Variants in ACTA2 observed in about 807,000 individuals in gnomAD.
ACTA2 encodes actin, aortic smooth muscle.
ACTA2 carries 12 observed loss-of-function variants against 39.5 expected under a neutral mutation model. That is an observed-to-expected ratio of 0.30 (90% CI 0.19 to 0.49). The LOEUF (loss-of-function observed/expected upper bound fraction) is 0.49, where lower values mean the gene tolerates loss of function less well. ACTA2 is among the 20% of genes least tolerant of loss of function. ACTA2 has a pLI of 0.99. For synonymous variants in ACTA2, 158 were observed against 180.6 expected (o/e 0.88, Z 1.00); for missense variants, 236 against 498.8 (o/e 0.47, Z 5.02).
At chr10:88,949,196 C>T (rs1458864138) in intron 1 of ACTA2, among the ~76,000 whole-genome samples, 1 of 152,082 alleles carries the variant, frequency 6.6e-6, no homozygotes, top group Non-Finnish European at 1.5e-5. Flanking sequence ...AGTGTAGTGA[C>T]CGGCATATCA....
chr10:88,983,726 G>A (rs1846785110), intron 1 of ACTA2, among the ~76,000 whole-genome samples: 1 of 147,736 alleles, frequency 6.8e-6, no homozygotes, highest in African/African-American at 2.5e-5. Context: ...ATTTTTAAAT[G>A]TCTGTCCCTT....
At position 88,990,859 on chromosome 10, in the gene ACTA2, G is replaced by A; in HGVS notation, c.-24+80C>T. The stretch of plus-strand genomic sequence containing the variant: ...GAGTTGGGGAAGCTCTTTCACTTCG[G>A]AGGATTGCTCAACAACCATGCTGGG... On this transcript the variant is annotated intron_variant, in intron 1 of 4. Transcript: ENST00000415557. This position sits in a 1 kb window ranked among gnomAD's most constrained non-coding sequence, Gnocchi z 4.9. 1 of 1,614,228 alleles carries A rather than the reference G, an allele frequency of 6.2e-7. No homozygotes were observed. Among genetic ancestry groups the A allele is most frequent in the Non-Finnish European group, 8.5e-7 (1 of 1,180,034 alleles).
At chr10:88,987,071 C>CTTT (rs1846918383) in intron 1 of ACTA2, among the ~76,000 whole-genome samples, 1 of 152,178 alleles carries the variant, frequency 6.6e-6, no homozygotes, top group Admixed American at 6.5e-5. Flanking sequence ...TCCCAAGAAC[C>CTTT]CATACATATT....
At chr10:88,975,839 C>T (rs190081563) in intron 1 of ACTA2, among the ~76,000 whole-genome samples, 9 of 152,220 alleles carry the variant, frequency 5.9e-5, no homozygotes, top group Admixed American at 4.6e-4. Flanking sequence ...TGCTTAGATT[C>T]GGGGAGTTTT....
rs142105289 is a variant in ACTA2, at chr10:88,943,301, A to G, written c.369+496T>C. On this transcript the variant is annotated intron_variant, in intron 4 of 8. Transcript: ENST00000224784. The stretch of plus-strand genomic sequence containing the variant: ...GGATGTTTATTAGGAACCATGATAC[A>G]CATCTGTCATTTCACCTCATTAATG... Among the ~76,000 whole-genome samples, 831 of 152,306 alleles carry G rather than the reference A, an allele frequency of 5.5e-3. 3 individuals are homozygous for G. The highest frequency in any genetic ancestry group is 0.02 in the Middle Eastern group (6 of 294).
At chr10:88,951,765 G>T (rs1846054376) in intron 1 of ACTA2, among the ~76,000 whole-genome samples, 1 of 152,202 alleles carries the variant, frequency 6.6e-6, no homozygotes, top group Non-Finnish European at 1.5e-5. Context: ...AAAATGAGTT[G>T]ATGGGAGGGG....
At chr10:88,949,042 G>T in intron 1 of ACTA2, 89 bp from the exon 2 acceptor site, 1 of 1,337,394 alleles carries the variant, frequency 7.5e-7, no homozygotes. Context: ...GCTGGGTTTG[G>T]GGGCCCTCCT....
chr10:88,977,120 T>C (rs1204964027), intron 1 of ACTA2, among the ~76,000 whole-genome samples: 1 of 152,192 alleles, frequency 6.6e-6, no homozygotes, highest in African/African-American at 2.4e-5. Context: ...GGTTGCCTGT[T>C]CACTCTGATG....
At chr10:88,943,629 A>G (rs755963648) in intron 4 of ACTA2, 168 bp downstream of exon 4, 3 of 702,962 alleles carry the variant, frequency 4.3e-6, no homozygotes, top group Admixed American at 2.0e-5. Context: ...GAAGGATGCA[A>G]GTACTTTCAA....
At chr10:88,954,408 C>T (rs1265356689), upstream of ACTA2, among the ~76,000 whole-genome samples, 1 of 152,186 alleles carries the variant, frequency 6.6e-6, no homozygotes, top group Non-Finnish European at 1.5e-5. Flanking sequence ...CTACACAGTA[C>T]AACATAAAGT....
chr10:88,942,584 C>A (rs1289218369), intron 4 of ACTA2, among the ~76,000 whole-genome samples: 3 of 152,148 alleles, frequency 2.0e-5, no homozygotes, highest in Non-Finnish European at 4.4e-5. Flanking sequence ...TTGGTGCAGT[C>A]CAGGGACAAG....
chr10:88,980,456 A>G (rs1037804594), intron 1 of ACTA2, among the ~76,000 whole-genome samples: 1 of 152,146 alleles, frequency 6.6e-6, no homozygotes, highest in African/African-American at 2.4e-5. Flanking sequence ...CAAAAGAGAG[A>G]CGCATTTCAC....
At chr10:88,946,122 A>G (rs1374203512) in intron 3 of ACTA2, among the ~76,000 whole-genome samples, 2 of 152,074 alleles carry the variant, frequency 1.3e-5, no homozygotes, top group African/African-American at 4.8e-5. Flanking sequence ...TTAGAGACAG[A>G]GTCTTGCTCT....
intron 1 of ACTA2, among the ~76,000 whole-genome samples, chr10:88,979,259 A>T (rs1180385284): frequency 6.6e-6 from 1 of 151,772 alleles, no homozygotes; most frequent in Non-Finnish European, 1.5e-5. Flanking sequence ...ACTGAGACAA[A>T]AAAGCAGAAA....
intron 1 of ACTA2, among the ~76,000 whole-genome samples, chr10:88,988,764 A>G (rs1846998497): frequency 6.6e-6 from 1 of 152,212 alleles, no homozygotes; most frequent in Non-Finnish European, 1.5e-5. Context: ...TCTTCAAAGG[A>G]TTCCAAAGGC....
At chr10:88,978,675 G>A (rs929803157) in intron 1 of ACTA2, among the ~76,000 whole-genome samples, 7 of 152,064 alleles carry the variant, frequency 4.6e-5, no homozygotes, top group Non-Finnish European at 8.8e-5. Context: ...TTTGCACCAC[G>A]GCTCCAGCTC....
Position 88,970,555 on chromosome 10 carries a change from A to G in ACTA2, c.-24+20384T>C, listed in dbSNP as rs551807617. Among the ~76,000 whole-genome samples, 10 of 152,304 alleles carry G rather than the reference A, an allele frequency of 6.6e-5. No homozygotes were observed. The East Asian group carries it at 1.9e-3, about 29-fold the overall frequency. On this transcript the variant is annotated intron_variant, in intron 1 of 4. Coordinates refer to the ACTA2 transcript ENST00000415557. ...GAGGTAGGAAGAAGGACATTCAACC[A>G]GAATACTAAAATTGCATTTAGATAG...
At chr10:88,948,557 G>A in intron 2 of ACTA2, 1 of 467,614 alleles carries the variant, frequency 2.1e-6, no homozygotes, top group Non-Finnish European at 4.0e-6. Context: ...TGATGATAAT[G>A]ACTATATTTA....
At chr10:88,979,178 T>C (rs560647082) in intron 1 of ACTA2, among the ~76,000 whole-genome samples, 3 of 152,210 alleles carry the variant, frequency 2.0e-5, no homozygotes, top group South Asian at 2.1e-4. Context: ...AAGCTGGTTT[T>C]AATGGGTTAT....
Sources: gnomAD v4.1 joint callset for allele counts (sites outside exome capture counted in the v4.1 genomes callset) on GRCh38, gnomAD v4.1.1 for gene constraint, Gnocchi (gnomAD v3.1) non-coding constraint, MANE v1.5 for transcripts, NCBI Gene and HGNC (gene_info 2026-07-23, HGNC 2026-07-21) for gene names.